The following FMN2 variants were observed in gnomAD, a reference collection of about 807,000 sequenced individuals.
FMN2 encodes the protein formin-2.
In FMN2, 51 loss-of-function variants were observed where a neutral mutation model predicts 142.3. The ratio of observed to expected loss-of-function variants is 0.36; its 90% CI spans 0.29 to 0.45. The LOEUF (loss-of-function observed/expected upper bound fraction) is 0.45, where lower values mean the gene tolerates loss of function less well. Among genes scored for constraint, FMN2 ranks in the 20% least tolerant of loss-of-function variants. The pLI is 1.00. For synonymous variants in FMN2, 882 were observed against 869.8 expected (o/e 1.01, Z -0.25); for missense variants, 1,936 against 2,122.8 (o/e 0.91, Z 1.73).
chr1:240,312,481 C>A (rs1670631715), intron 8 of FMN2, among the ~76,000 whole-genome samples: 1 of 152,178 alleles, frequency 6.6e-6, no homozygotes, highest in Non-Finnish European at 1.5e-5. Flanking sequence ...TCTCTCTGAT[C>A]TGATGAAAGT....
At chr1:240,130,573 G>A (rs1662695717) in intron 2 of FMN2, among the ~76,000 whole-genome samples, 1 of 152,154 alleles carries the variant, frequency 6.6e-6, no homozygotes, top group Admixed American at 6.5e-5. Flanking sequence ...CAAAATGCTG[G>A]GATTACAGGC....
rs566650185 is a variant in FMN2, at chr1:240,475,115, A to C, written c.*961A>C. On this transcript the variant is annotated 3_prime_UTR_variant, in exon 18 of 18. Coordinates refer to ENST00000319653, the MANE Select transcript of FMN2 (RefSeq NM_020066.5). ...GTGCAATACTGTATTTAGTGTTTCT[A>C]TTTCAATTTTTCTAGGATGTTAATT... 10 of 152,664 alleles carry C rather than the reference A, an allele frequency of 6.6e-5. No individual in the cohort carries two copies. The highest frequency in any genetic ancestry group is 1.2e-4 in the Non-Finnish European group (8 of 68,010). The allele number at this position is 152,664 out of a possible 1,614,324, so 9.5% of individuals were successfully genotyped here. A position where few individuals can be genotyped will look rare whatever the true frequency, so the allele number is the denominator to read the frequency against.
At chr1:240,211,017 T>C in intron 5 of FMN2, 74 bp from the exon 6 acceptor site, 1 of 1,426,422 alleles carries the variant, frequency 7.0e-7, no homozygotes, top group South Asian at 1.4e-5. Flanking sequence ...CTCCCCTTCT[T>C]CCTTTCTATT....
At chr1:240,108,124 G>A (rs577607902) in intron 1 of FMN2, among the ~76,000 whole-genome samples, 1 of 152,296 alleles carries the variant, frequency 6.6e-6, no homozygotes, top group South Asian at 2.1e-4. Flanking sequence ...GTTTCACTCT[G>A]CTTTATGTTG....
chr1:240,202,724 A>G (rs1405922834), intron 4 of FMN2, among the ~76,000 whole-genome samples: 2 of 152,130 alleles, frequency 1.3e-5, no homozygotes, highest in Non-Finnish European at 2.9e-5. Flanking sequence ...TCAGCCTCGG[A>G]AAGTGCTGGG....
intron 5 of FMN2, among the ~76,000 whole-genome samples, chr1:240,209,640 C>G (rs1319855340): frequency 2.0e-5 from 3 of 149,762 alleles, no homozygotes; most frequent in African/African-American, 7.4e-5. Context: ...TGCGGTGGCT[C>G]ACGCCTGTCA....
chr1:240,109,889 G>A (rs1661745838), intron 1 of FMN2, among the ~76,000 whole-genome samples: 1 of 152,060 alleles, frequency 6.6e-6, no homozygotes, highest in Admixed American at 6.5e-5. Context: ...GTTAAGGGCA[G>A]GGAGCATGTT....
intron 13 of FMN2, among the ~76,000 whole-genome samples, chr1:240,337,056 G>A (rs1488581024): frequency 6.6e-6 from 1 of 151,986 alleles, no homozygotes; most frequent in Non-Finnish European, 1.5e-5. Context: ...TCCTTTTTAG[G>A]AACGAGAGGG....
chr1:240,281,636 C>A (rs1026670490), intron 7 of FMN2, among the ~76,000 whole-genome samples: 2 of 152,122 alleles, frequency 1.3e-5, no homozygotes, highest in Non-Finnish European at 2.9e-5. Context: ...GCATGTCTCT[C>A]GAGAGTACAT....
intron 15 of FMN2, among the ~76,000 whole-genome samples, chr1:240,424,675 G>T (rs1017886291): frequency 6.6e-6 from 1 of 152,164 alleles, no homozygotes; most frequent in African/African-American, 2.4e-5. Context: ...CCATAAGGAT[G>T]CTCACAGGTG....
rs1185140551 is a variant in FMN2, at chr1:240,475,128, T to C, written c.*974T>C. The C allele has an allele frequency of 6.6e-6, 1 of 152,566 alleles. No individual in the cohort carries two copies. Among genetic ancestry groups the C allele is most frequent in the African/African-American group, 2.4e-5 (1 of 41,426 alleles). The allele number at this position is 152,566 out of a possible 1,614,324, so 9.5% of individuals were successfully genotyped here. ...TTTAGTGTTTCTATTTCAATTTTTC[T>C]AGGATGTTAATTTATATGAAAATAA... On this transcript the variant is annotated 3_prime_UTR_variant, in exon 18 of 18. Transcript: ENST00000319653.
chr1:240,423,538 G>A (rs1674841369), intron 15 of FMN2, among the ~76,000 whole-genome samples: 1 of 152,210 alleles, frequency 6.6e-6, no homozygotes, highest in South Asian at 2.1e-4. Context: ...ATTAAATTAA[G>A]TTATACATGT....
chr1:240,205,563 G>A (rs553392887), intron 4 of FMN2, among the ~76,000 whole-genome samples: 42 of 146,556 alleles, frequency 2.9e-4, no homozygotes, highest in African/African-American at 1.0e-3. Flanking sequence ...CCAGGTTCAT[G>A]CCATTCTCCT....
intron 15 of FMN2, among the ~76,000 whole-genome samples, chr1:240,433,730 G>T (rs1352658656): frequency 6.6e-6 from 1 of 152,156 alleles, no homozygotes; most frequent in South Asian, 2.1e-4. Context: ...GTAATTTGAG[G>T]GTTCTTCCTG....
chr1:240,169,359 G>A (rs911204544), intron 2 of FMN2, among the ~76,000 whole-genome samples: 2 of 152,200 alleles, frequency 1.3e-5, no homozygotes, highest in African/African-American at 2.4e-5. Context: ...ATTCAGTTGA[G>A]GCAATTCTTT....
chr1:240,371,913 A>C (rs767481368), intron 14 of FMN2, among the ~76,000 whole-genome samples: 2 of 152,166 alleles, frequency 1.3e-5, no homozygotes, highest in African/African-American at 2.4e-5. Context: ...ATAAAATCTA[A>C]GTGAAACACT....
intron 14 of FMN2, among the ~76,000 whole-genome samples, chr1:240,360,275 AAC>A (rs1480662809): frequency 2.6e-5 from 4 of 152,302 alleles, no homozygotes; most frequent in African/African-American, 9.6e-5. Context: ...CTCGATGAGA[AAC>A]AGTTACATGA....
At chr1:240,188,398 C>A in intron 4 of FMN2, 136 bp downstream of exon 4, 3 of 768,798 alleles carry the variant, frequency 3.9e-6, no homozygotes, top group Admixed American at 2.5e-5. Flanking sequence ...GCAGTGGAAT[C>A]CAGTCAGGCA....
chr1:240,205,456 C>CTTTT (rs36115091), intron 4 of FMN2, among the ~76,000 whole-genome samples: 92 of 97,498 alleles, frequency 9.4e-4, no homozygotes, highest in African/African-American at 2.7e-3. Flanking sequence ...ATGCTCTTTC[C>CTTTT]TTTTTTTTTT....
Sources: allele counts gnomAD v4.1 joint callset (sites outside exome capture counted in the v4.1 genomes callset), GRCh38; gene constraint gnomAD v4.1.1; transcripts MANE v1.5; gene names NCBI Gene and HGNC (gene_info 2026-07-23, HGNC 2026-07-21).